The following PRKDC variants were observed in gnomAD, a reference collection of about 807,000 sequenced individuals.
PRKDC encodes DNA-dependent protein kinase catalytic subunit.
PRKDC carries 82 observed loss-of-function variants against 486.9 expected under a neutral mutation model. The ratio of observed to expected loss-of-function variants is 0.17; its 90% CI spans 0.14 to 0.20. The LOEUF is 0.20. Ranked by LOEUF, PRKDC falls within the 10% of genes least tolerant of loss-of-function variation. The probability of loss-of-function intolerance (pLI) is 1.00; values close to 1 mark genes in which losing one functional copy is unlikely to be tolerated. For synonymous variants in PRKDC, 1,895 were observed against 1,837.0 expected (o/e 1.03, Z -0.81); for missense variants, 4,504 against 5,038.2 (o/e 0.89, Z 3.21).
chr8:47,849,322 G>A lies in PRKDC; in HGVS notation c.7131-19C>T. Reference sequence around the variant, plus strand: ...CATGAACCTGGCGGGGAAGGGAACTGGTGAGAGGAGGGCCGAGGACCCTCC... The same window carrying A: ...CATGAACCTGGCGGGGAAGGGAACTAGTGAGAGGAGGGCCGAGGACCCTCC... On this transcript the variant is annotated intron_variant, in intron 53 of 85. Coordinates refer to ENST00000314191, the MANE Select transcript of PRKDC (RefSeq NM_006904.7). 1 of 1,613,942 alleles carries A rather than the reference G, an allele frequency of 6.2e-7. No homozygotes were observed.
At chr8:47,939,786 T>C (rs2090412687) in intron 10 of PRKDC, 89 bp from the exon 11 acceptor site, 1 of 1,107,068 alleles carries the variant, frequency 9.0e-7, no homozygotes, top group African/African-American at 1.6e-5. Flanking sequence ...GTTTAGATGC[T>C]ACTAATGTAC....
intron 29 of PRKDC, among the ~76,000 whole-genome samples, chr8:47,897,943 T>C (rs1426477595): frequency 2.0e-5 from 3 of 152,138 alleles, no homozygotes; most frequent in East Asian, 1.9e-4. Context: ...TGGAGGGGCT[T>C]ATGGAGGGCA....
chr8:47,932,062 T>C lies in PRKDC; in HGVS notation c.1776+958A>G, dbSNP rs998750103. On this transcript the variant is annotated intron_variant, in intron 16 of 85. Coordinates refer to ENST00000314191, the MANE Select transcript of PRKDC (RefSeq NM_006904.7). ...CCCGCCACCACGCCCGGCTCATTTT[T>C]TTTGTATTTTGTTTGTTTGTTTGTT... Among the ~76,000 whole-genome samples the C allele has an allele frequency of 3.3e-5, 5 of 150,096 alleles. No homozygotes were observed. In the Admixed American group the frequency reaches 3.4e-4, roughly 10 times the overall value.
intron 7 of PRKDC, among the ~76,000 whole-genome samples, chr8:47,950,919 G>A (rs890610450): frequency 2.0e-5 from 3 of 152,166 alleles, no homozygotes; most frequent in Non-Finnish European, 4.4e-5. Flanking sequence ...AGACTGCAGT[G>A]AGCCATGATT....
chr8:47,915,384 C>A lies in PRKDC; in HGVS notation c.2561G>T (p.Arg854Ile), dbSNP rs779703969. The change falls in exon 23 of 86, where the codon AGA becomes ATA. Residue 854 changes from arginine (R) to isoleucine (I), a missense_variant. Coordinates refer to ENST00000314191, the MANE Select transcript of PRKDC (RefSeq NM_006904.7). ...EAISLEEIRI[R>I]VVQMLGSLGG... ...TAGAGATCCAAGCATTTGTACTACTCTAATTCTTATTTCTTCTAAGGATAT... is the reference window on the plus strand; with the variant it reads ...TAGAGATCCAAGCATTTGTACTACTATAATTCTTATTTCTTCTAAGGATAT... 1 of 1,567,794 alleles carries A rather than the reference C, an allele frequency of 6.4e-7. No homozygotes were observed. Among genetic ancestry groups the A allele is most frequent in the Non-Finnish European group, 8.7e-7 (1 of 1,151,726 alleles).
chr8:47,949,415 T>G (rs2090591060), intron 7 of PRKDC, among the ~76,000 whole-genome samples: 1 of 152,222 alleles, frequency 6.6e-6, no homozygotes, highest in Admixed American at 6.5e-5. Context: ...TTACCTGCCA[T>G]GAAGAGTCAT....
intron 68 of PRKDC, among the ~76,000 whole-genome samples, chr8:47,808,303 A>C (rs192667536): frequency 6.6e-6 from 1 of 152,132 alleles, no homozygotes; most frequent in African/African-American, 2.4e-5. Context: ...GTGCTACCGC[A>C]TCAAGCTAAG....
At chr8:47,793,120 G>A (rs780488460) in intron 74 of PRKDC, among the ~76,000 whole-genome samples, 1 of 152,198 alleles carries the variant, frequency 6.6e-6, no homozygotes, top group Admixed American at 6.5e-5. Flanking sequence ...TTGGCCTCAA[G>A]CGATTCTTCC....
At chr8:47,951,336 G>A (rs2090621506) in intron 7 of PRKDC, among the ~76,000 whole-genome samples, 1 of 152,002 alleles carries the variant, frequency 6.6e-6, no homozygotes, top group Non-Finnish European at 1.5e-5. Context: ...ACTCCAGCCT[G>A]GGCAACAGAG....
chr8:47,920,979 A>T (rs2090060317), intron 21 of PRKDC, among the ~76,000 whole-genome samples: 1 of 152,124 alleles, frequency 6.6e-6, no homozygotes, highest in African/African-American at 2.4e-5. Context: ...GTGGCTGGGC[A>T]CGGGTGGCTC....
chr8:47,929,014 G>A lies in PRKDC; in HGVS notation c.2139+78C>T, dbSNP rs534358033. 4 of 1,123,412 alleles carry A rather than the reference G, an allele frequency of 3.6e-6. No individual in the cohort carries two copies. The Admixed American group carries it at 9.0e-5, about 25-fold the overall frequency. 69.6% of individuals were successfully genotyped at this position (1,123,412 alleles called of 1,614,324 possible). A position where few individuals can be genotyped will look rare whatever the true frequency, so the allele number is the denominator to read the frequency against. ...CCCAATTCTTAAAATAATTATTTAT[G>A]ATCACTAGGATTTTTTCAATAGATA... On this transcript the variant is annotated intron_variant, in intron 19 of 85. Coordinates refer to ENST00000314191, the MANE Select transcript of PRKDC (RefSeq NM_006904.7).
rs1192960342 is a variant in PRKDC, at chr8:47,778,747, C to G, written c.11632G>C (p.Val3878Leu). 1 of 1,613,726 alleles carries G rather than the reference C, an allele frequency of 6.2e-7. No homozygotes were observed. Among genetic ancestry groups the G allele is most frequent in the African/African-American group, 1.3e-5 (1 of 74,928 alleles). Residue 3878 changes from valine (V) to leucine (L), a missense_variant, in exon 82 of 86, where the codon GTG (valine) becomes CTG (leucine). Transcript: ENST00000314191. ...ACTTACTTTAAGAGATCAGCAGGCACTTTACTTTCTCGTTTTCTAAAAGAC... is the reference window on the plus strand; with the variant it reads ...ACTTACTTTAAGAGATCAGCAGGCAGTTTACTTTCTCGTTTTCTAAAAGAC... ...VTSFRKRESK[V>L]PADLLKRAFV...
Position 47,879,545 on chromosome 8 carries a change from C to A in PRKDC, c.5181G>T (p.Arg1727Ser). ...LIVAHFPMQS[R>S]EFPPGTPRFN... Reference sequence around the variant, plus strand: ...ACCGCGGAGTTCCTGGAGGAAATTCCCTGGACTGCATGGGGAAGTGAGCAA... The same window carrying A: ...ACCGCGGAGTTCCTGGAGGAAATTCACTGGACTGCATGGGGAAGTGAGCAA... Residue 1727 changes from arginine (R) to serine (S), a missense_variant, in exon 39 of 86, where the codon AGG becomes AGT. Physicochemically the swap from Arg to Ser is moderately radical, Grantham distance 110. Coordinates refer to ENST00000314191, the MANE Select transcript of PRKDC (RefSeq NM_006904.7). 1 of 1,597,694 alleles carries A rather than the reference C, an allele frequency of 6.3e-7. No individual in the cohort carries two copies. Among genetic ancestry groups the A allele is most frequent in the East Asian group, 2.3e-5 (1 of 44,338 alleles).
chr8:47,948,214 G>T (rs961619695), intron 7 of PRKDC, among the ~76,000 whole-genome samples: 2 of 151,774 alleles, frequency 1.3e-5, no homozygotes, highest in Non-Finnish European at 2.9e-5. Context: ...CGCGATCTCG[G>T]GTCACTGCAG....
Position 47,860,913 on chromosome 8 carries a change from G to A in PRKDC, c.6044C>T (p.Ala2015Val). The A allele has an allele frequency of 6.2e-7, 1 of 1,607,954 alleles. No homozygotes were observed. The highest frequency in any genetic ancestry group is 2.2e-5 in the East Asian group (1 of 44,682). The change falls in exon 45 of 86, where the codon GCA becomes GTA. Residue 2015 changes from alanine (A) to valine (V), a missense_variant. Physicochemically the swap from Ala to Val is moderately conservative, Grantham distance 64 (BLOSUM62 0). Around this residue, in one of 6 missense-constraint regions of PRKDC, gnomAD observed 1,592 missense variants for 1,724.6 expected, o/e 0.92. Transcript: ENST00000314191. ...AAACATCCTACCTGAATCCCCATTT[G>A]CTGCTTCTCTGGCTTCTTTCCTAAT... ...IEIRKEAREAANGDSDGPSYM... is the reference protein window; with the variant it reads ...IEIRKEAREAVNGDSDGPSYM...
chr8:47,839,205 A>C lies in PRKDC; in HGVS notation c.7496T>G (p.Phe2499Cys). The stretch of plus-strand genomic sequence containing the variant: ...AATCAGCACATCTTTTGCCAACTTA[A>C]ATATTTCCTGGGAGTCATTATCTGT... The part of the protein sequence containing the change: ...SETDNDSQEI[F>C]KLAKDVLIQG... Residue 2499 changes from phenylalanine (F) to cysteine (C), a missense_variant, in exon 56 of 86, where the codon TTT (phenylalanine) becomes TGT (cysteine). Transcript: ENST00000314191. The C allele has an allele frequency of 3.1e-6, 5 of 1,613,842 alleles. No individual in the cohort carries two copies. Among genetic ancestry groups the C allele is most frequent in the Non-Finnish European group, 4.2e-6 (5 of 1,179,824 alleles).
intron 64 of PRKDC, among the ~76,000 whole-genome samples, chr8:47,823,432 C>G (rs1390402002): frequency 2.6e-5 from 4 of 151,762 alleles, no homozygotes; most frequent in Non-Finnish European, 5.9e-5. Context: ...ATAAAAGCTT[C>G]CCAAGGCCTC....
At chr8:47,797,820 T>C (rs1479594521) in intron 73 of PRKDC, among the ~76,000 whole-genome samples, 1 of 152,242 alleles carries the variant, frequency 6.6e-6, no homozygotes, top group African/African-American at 2.4e-5. Flanking sequence ...ACCGTGCTGC[T>C]GGCAGATGCT....
intron 85 of PRKDC, among the ~76,000 whole-genome samples, chr8:47,775,402 T>TG (rs1436658319): frequency 5.7e-5 from 8 of 141,442 alleles, no homozygotes; most frequent in African/African-American, 1.9e-4. Flanking sequence ...GACAGGGTCT[T>TG]GCTCTGTCAC....
Sources: allele counts gnomAD v4.1 joint callset (sites outside exome capture counted in the v4.1 genomes callset), GRCh38; gene constraint gnomAD v4.1.1; regional missense constraint gnomAD v4.1.1; transcripts MANE v1.5; gene names NCBI Gene and HGNC (gene_info 2026-07-23, HGNC 2026-07-21).